The following CEP120 variants were observed in gnomAD, a reference collection of about 807,000 sequenced individuals.
The protein encoded by CEP120 is centrosomal protein 120.
CEP120 carries 113 observed loss-of-function variants against 126.5 expected under a neutral mutation model. The ratio of observed to expected loss-of-function variants is 0.89; its 90% CI spans 0.77 to 1.04. CEP120 has a LOEUF of 1.04. CEP120 is among the 50% of genes least tolerant of loss of function. The pLI is 0.00. For synonymous variants in CEP120, 400 were observed against 394.3 expected (o/e 1.01, Z -0.17); for missense variants, 1,230 against 1,155.7 (o/e 1.06, Z -0.93).
At chr5:123,409,971 CAAAAAA>C (rs1353891467) in intron 4 of CEP120, among the ~76,000 whole-genome samples, 3 of 67,596 alleles carry the variant, frequency 4.4e-5, no homozygotes, top group African/African-American at 1.9e-4. Flanking sequence ...ACAAAACAAG[CAAAAAA>C]AAAAAAAAAA....
At chr5:123,417,450 CA>C (rs1284632788) in intron 2 of CEP120, among the ~76,000 whole-genome samples, 1 of 151,842 alleles carries the variant, frequency 6.6e-6, no homozygotes, top group Non-Finnish European at 1.5e-5. Context: ...TCAGAGTTCA[CA>C]AAAAATATAT....
intron 1 of CEP120, among the ~76,000 whole-genome samples, chr5:123,421,597 C>T (rs1296762653): frequency 6.8e-6 from 1 of 147,162 alleles, no homozygotes; most frequent in Non-Finnish European, 1.5e-5. Flanking sequence ...TCAGCCATCC[C>T]ACCCACCCTA....
chr5:123,390,465 TA>T (rs1449009697), intron 7 of CEP120: 1 of 370,374 alleles, frequency 2.7e-6, no homozygotes. Flanking sequence ...ACTATACTCC[TA>T]AAGAGAAAAA....
chr5:123,416,587 AT>A (rs2127137108), intron 2 of CEP120, among the ~76,000 whole-genome samples: 1 of 148,992 alleles, frequency 6.7e-6, no homozygotes, highest in Non-Finnish European at 1.5e-5. Context: ...AAAAATAAAA[AT>A]AAAAATAAAA....
At chr5:123,398,084 T>C (rs1772914188) in intron 5 of CEP120, among the ~76,000 whole-genome samples, 2 of 152,032 alleles carry the variant, frequency 1.3e-5, no homozygotes. Context: ...ACCTGTCTCT[T>C]AGGGGAAAAA....
chr5:123,372,595 A>AT, intron 17 of CEP120, 55 bp downstream of exon 17: 2 of 1,523,690 alleles, frequency 1.3e-6, no homozygotes, highest in Non-Finnish European at 1.8e-6. Context: ...TTATTGATTG[A>AT]TTTTATAAAT....
rs189429890 is a variant in CEP120 at position 123,393,331 on chromosome 5, C to A, written c.779G>T (p.Arg260Leu). The A allele has an allele frequency of 2.5e-5, 41 of 1,614,028 alleles. No homozygotes were observed. The African/African-American group carries it at 5.1e-4, about 20-fold the overall frequency. Reference sequence around the variant, plus strand: ...TTTAGACTGAAGAGCCAGGTAAACACGAAGAATTTCTACACTGCTACGGAT... The same window carrying A: ...TTTAGACTGAAGAGCCAGGTAAACAAGAAGAATTTCTACACTGCTACGGAT... ...VRIRSSVEIL[R>L]VYLALQSKLQ... The change falls in exon 6 of 20, where the codon CGT becomes CTT. Residue 260 changes from arginine to leucine, a missense_variant. Coordinates refer to ENST00000306467, the MANE Select transcript of CEP120 (RefSeq NM_001375405.1).
intron 18 of CEP120, among the ~76,000 whole-genome samples, chr5:123,357,607 C>G (rs1004742003): frequency 1.3e-5 from 2 of 151,478 alleles, no homozygotes; most frequent in African/African-American, 4.9e-5. Context: ...CCTGTCTTTA[C>G]AAAAATTAGC....
chr5:123,360,822 C>A (rs1268112399), intron 18 of CEP120, among the ~76,000 whole-genome samples: 1 of 151,768 alleles, frequency 6.6e-6, no homozygotes, highest in Non-Finnish European at 1.5e-5. Context: ...TACTTCAATA[C>A]CCCAGTGTAA....
intron 8 of CEP120, 146 bp downstream of exon 8, chr5:123,389,778 G>T: frequency 1.5e-6 from 1 of 684,114 alleles, no homozygotes; most frequent in Non-Finnish European, 2.4e-6. Flanking sequence ...GGGATTACAG[G>T]CGTGAGCCAC....
chr5:123,382,601 TA>T, intron 13 of CEP120, 135 bp downstream of exon 13: 1 of 771,872 alleles, frequency 1.3e-6, no homozygotes, highest in Non-Finnish European at 1.9e-6. Context: ...CAAATTTTTT[TA>T]AGTAAAGCAT....
chr5:123,360,514 T>C (rs1480218474), intron 18 of CEP120, among the ~76,000 whole-genome samples: 1 of 151,920 alleles, frequency 6.6e-6, no homozygotes, highest in Non-Finnish European at 1.5e-5. Context: ...GAACTTTTCT[T>C]TCATGGAGTA....
chr5:123,402,585 C>G (rs11958776), intron 4 of CEP120, among the ~76,000 whole-genome samples: 66,865 of 151,844 alleles, frequency 0.44, 14,664 homozygotes, highest in East Asian at 0.48. Context: ...CTAATTTTTT[C>G]TATTTTTAGT....
chr5:123,356,895 C>T (rs1248201987), intron 18 of CEP120, among the ~76,000 whole-genome samples: 1 of 151,956 alleles, frequency 6.6e-6, no homozygotes, highest in Non-Finnish European at 1.5e-5. Flanking sequence ...TTCCATTGTT[C>T]TTTACTTTTC....
chr5:123,386,500 A>G lies in CEP120; in HGVS notation c.1580+18T>C. 2 of 1,491,122 alleles carry G rather than the reference A, an allele frequency of 1.3e-6. No individual in the cohort carries two copies. Among genetic ancestry groups the G allele is most frequent in the African/African-American group, 2.9e-5 (2 of 69,536 alleles). The allele number at this position is 1,491,122 out of a possible 1,614,324, so 92.4% of individuals were successfully genotyped here. ...TGACTTAAATTAATTAATATCATAC[A>G]TACACTGTATGCATTACCTTAAGAA... On this transcript the variant is annotated intron_variant, in intron 10 of 19. Transcript: ENST00000306467.
chr5:123,403,358 T>C (rs1485566579), intron 4 of CEP120: 2 of 454,014 alleles, frequency 4.4e-6, no homozygotes, highest in Non-Finnish European at 8.8e-6. Flanking sequence ...AAAATATTTG[T>C]TGATAAGTTC....
intron 17 of CEP120, among the ~76,000 whole-genome samples, chr5:123,368,410 G>C (rs1770622799): frequency 6.6e-6 from 1 of 151,902 alleles, no homozygotes; most frequent in Non-Finnish European, 1.5e-5. Context: ...TATAAACGCA[G>C]AAATACTTTA....
chr5:123,393,491 G>C lies in CEP120; in HGVS notation c.619C>G (p.Pro207Ala). ...AFATQLEQLI[P>A]CTMKLPERQP... ...CTTTCTGGAAGTTTCATGGTACATG[G>C]AATTAACTAAACATTTCAGGAAAAA... Residue 207 changes from proline (P) to alanine (A), a missense_variant, in exon 6 of 20, where the codon CCA (proline) becomes GCA (alanine). Pro to Ala is a conservative substitution (Grantham distance 27, BLOSUM62 -1). Coordinates refer to ENST00000306467, the MANE Select transcript of CEP120 (RefSeq NM_001375405.1). 2 of 1,612,396 alleles carry C rather than the reference G, an allele frequency of 1.2e-6. No homozygotes were observed. Among genetic ancestry groups the C allele is most frequent in the Non-Finnish European group, 1.7e-6 (2 of 1,178,718 alleles).
chr5:123,350,118 T>C, intron 18 of CEP120, 29 bp from the exon 19 acceptor site: 2 of 1,573,316 alleles, frequency 1.3e-6, no homozygotes. Context: ...ACAAGTCATA[T>C]CCTTAATATT....
Sources: allele counts gnomAD v4.1 joint callset (sites outside exome capture counted in the v4.1 genomes callset), GRCh38; gene constraint gnomAD v4.1.1; transcripts MANE v1.5; gene names NCBI Gene and HGNC (gene_info 2026-07-23, HGNC 2026-07-21).